Variants in PLXDC2 observed in about 807,000 individuals in gnomAD.
The protein encoded by PLXDC2 is plexin domain-containing protein 2.
Under a neutral mutation model 68.9 loss-of-function variants are expected in PLXDC2, and 40 were observed. The observed-to-expected ratio is 0.58, with a 90% CI of 0.45 to 0.76. PLXDC2 has a LOEUF of 0.76. Ranked by LOEUF, PLXDC2 falls within the 30% of genes least tolerant of loss-of-function variation. The pLI is 0.00. For synonymous variants in PLXDC2, 243 were observed against 234.2 expected (o/e 1.04, Z -0.34); for missense variants, 644 against 661.9 (o/e 0.97, Z 0.30).
chr10:20,162,042 A>AAG (rs139175193), intron 6 of PLXDC2, among the ~76,000 whole-genome samples: 17 of 72,422 alleles, frequency 2.3e-4, no homozygotes, highest in South Asian at 4.9e-4. Flanking sequence ...GAAAGAAAGA[A>AAG]AGAGAGAGAG....
Position 19,827,254 on chromosome 10 carries a change from C to T in PLXDC2, c.112+10063C>T, listed in dbSNP as rs1188212048. On this transcript the variant is annotated intron_variant, in intron 1 of 13. Transcript: ENST00000377252. ...CCATAATTATCCTTGTACTGATACA[C>T]AGTCTTAATTACTGTAGCTTTATAA... 2.0e-5 allele frequency among the ~76,000 whole-genome samples: 3 copies of T among 152,328 alleles called. No individual in the cohort carries two copies. In the East Asian group the frequency reaches 5.8e-4, roughly 29 times the overall value.
At chr10:19,954,324 T>C (rs1253737580) in intron 1 of PLXDC2, among the ~76,000 whole-genome samples, 1 of 152,210 alleles carries the variant, frequency 6.6e-6, no homozygotes, top group African/African-American at 2.4e-5. Flanking sequence ...ATAAAATTAC[T>C]CTCTAAGCCA....
intron 1 of PLXDC2, among the ~76,000 whole-genome samples, chr10:19,894,180 C>G (rs1426569288): frequency 6.6e-6 from 1 of 152,126 alleles, no homozygotes; most frequent in African/African-American, 2.4e-5. Context: ...AAAGAAATTT[C>G]TGCAGTGTCC....
intron 4 of PLXDC2, among the ~76,000 whole-genome samples, chr10:20,103,985 C>A (rs1833457598): frequency 6.6e-6 from 1 of 152,104 alleles, no homozygotes; most frequent in Admixed American, 6.5e-5. Context: ...CAGAGACTTT[C>A]AGAGCAGAAG....
Position 20,040,244 on chromosome 10 carries a change from G to T in PLXDC2, c.325-6625G>T, listed in dbSNP as rs1200380234. 2.0e-5 allele frequency among the ~76,000 whole-genome samples: 3 copies of T among 151,964 alleles called. No homozygotes were observed. The South Asian group carries it at 6.2e-4, about 32-fold the overall frequency. On this transcript the variant is annotated intron_variant, in intron 2 of 13. Transcript: ENST00000377252. ...CTTTGCTGTTTCCACATTACCACTC[G>T]CCAGTTTCCCAATGCACCCCTTCCT... is the stretch of plus-strand genomic sequence containing the variant.
intron 1 of PLXDC2, among the ~76,000 whole-genome samples, chr10:19,989,742 C>T (rs549812989): frequency 7.4e-6 from 1 of 134,844 alleles, no homozygotes; most frequent in South Asian, 2.3e-4. Context: ...AATTTTTTTA[C>T]TTATGTGAAT....
At chr10:19,872,600 C>G (rs532102627) in intron 1 of PLXDC2, among the ~76,000 whole-genome samples, 130 of 152,248 alleles carry the variant, frequency 8.5e-4, no homozygotes, top group African/African-American at 2.3e-3. Flanking sequence ...TTCAGCCACA[C>G]CTAGACAAAT....
At chr10:20,054,711 G>A (rs1835964056) in intron 3 of PLXDC2, among the ~76,000 whole-genome samples, 1 of 152,096 alleles carries the variant, frequency 6.6e-6, no homozygotes, top group Non-Finnish European at 1.5e-5. Flanking sequence ...TGTGAGGTGG[G>A]GTGAGGGGGG....
chr10:19,935,077 C>A (rs931381061), intron 1 of PLXDC2, among the ~76,000 whole-genome samples: 2 of 152,168 alleles, frequency 1.3e-5, no homozygotes, highest in African/African-American at 4.8e-5. Context: ...CATTGTTCTG[C>A]TCATCAAATC....
At chr10:20,256,396 C>T (rs1835742367) in intron 13 of PLXDC2, among the ~76,000 whole-genome samples, 1 of 151,926 alleles carries the variant, frequency 6.6e-6, no homozygotes. Context: ...GCCTCCCAAA[C>T]TGCTGAGATT....
At chr10:20,037,172 A>C (rs1292206507) in intron 2 of PLXDC2, among the ~76,000 whole-genome samples, 1 of 152,160 alleles carries the variant, frequency 6.6e-6, no homozygotes, top group Non-Finnish European at 1.5e-5. Context: ...CTTCAACTCA[A>C]ATCTCCTCTG....
intron 12 of PLXDC2, 52 bp from the exon 13 acceptor site, chr10:20,245,293 C>T (rs117308108): frequency 1.2e-5 from 18 of 1,526,032 alleles, no homozygotes; most frequent in East Asian, 7.0e-5. Context: ...GATGAAAATG[C>T]AAACTTGAGG....
At chr10:20,113,345 C>G (rs1833582252) in intron 4 of PLXDC2, among the ~76,000 whole-genome samples, 1 of 152,180 alleles carries the variant, frequency 6.6e-6, no homozygotes. Flanking sequence ...CCAAATTTAG[C>G]TTTTTTCTTC....
intron 4 of PLXDC2, among the ~76,000 whole-genome samples, chr10:20,083,880 G>T (rs1272435812): frequency 6.6e-6 from 1 of 152,168 alleles, no homozygotes; most frequent in Non-Finnish European, 1.5e-5. Flanking sequence ...GCTGAATGTT[G>T]CAGTGAAAGA....
At chr10:20,088,858 T>C (rs561827111) in intron 4 of PLXDC2, among the ~76,000 whole-genome samples, 2 of 152,338 alleles carry the variant, frequency 1.3e-5, no homozygotes, top group South Asian at 4.1e-4. Context: ...TACTTTTATA[T>C]TTGCTAAGGA....
chr10:20,041,397 T>G (rs563179693), intron 2 of PLXDC2, among the ~76,000 whole-genome samples: 19 of 151,914 alleles, frequency 1.3e-4, no homozygotes, highest in Non-Finnish European at 1.8e-4. Flanking sequence ...ACCAGCTTAT[T>G]GAATTTTTTT....
In PLXDC2 at chr10:20,279,929, T is replaced by A; in HGVS notation, c.*110T>A. 1 of 787,316 alleles carries A rather than the reference T, an allele frequency of 1.3e-6. No homozygotes were observed. The highest frequency in any genetic ancestry group is 2.5e-5 in the East Asian group (1 of 40,202). 48.8% of individuals were successfully genotyped at this position (787,316 alleles called of 1,614,324 possible). ...ACACACACACAAACAAGCTCTAAGC[T>A]GCTGTAGCCTGAAGAAGACAAGATT... On this transcript the variant is annotated 3_prime_UTR_variant, in exon 14 of 14. Transcript: ENST00000377252.
At chr10:19,851,413 T>C (rs1262070252) in intron 1 of PLXDC2, among the ~76,000 whole-genome samples, 2 of 152,216 alleles carry the variant, frequency 1.3e-5, no homozygotes, top group African/African-American at 4.8e-5. Flanking sequence ...AACTTACCCC[T>C]CCTCACATGT....
chr10:20,240,711 C>CAAAA lies in PLXDC2; in HGVS notation c.1313-4617_1313-4614dup, dbSNP rs202138349. On this transcript the variant is annotated intron_variant, in intron 12 of 13. Transcript: ENST00000377252. Reference sequence around the variant, plus strand: ...GAAATTGTAGAATCATTGCAGTAGCCAAAAAAAAAAAAAAAAAAAAGGTTA... The same window carrying CAAAA: ...GAAATTGTAGAATCATTGCAGTAGCCAAAAAAAAAAAAAAAAAAAAAAAAGGTTA... 8.9e-4 allele frequency among the ~76,000 whole-genome samples: 89 copies of CAAAA among 99,892 alleles called. 1 individual carries two copies. The highest frequency in any genetic ancestry group is 1.6e-3 in the African/African-American group (42 of 26,172). The allele number at this position is 99,892 out of a possible 152,430, so 65.5% of individuals were successfully genotyped here.
Sources: allele counts gnomAD v4.1 joint callset (sites outside exome capture counted in the v4.1 genomes callset), GRCh38; gene constraint gnomAD v4.1.1; transcripts MANE v1.5; gene names NCBI Gene and HGNC (gene_info 2026-07-23, HGNC 2026-07-21).